Variants in SLC2A13 observed in about 807,000 individuals in gnomAD.
SLC2A13 encodes solute carrier family 2 member 13.
A neutral mutation model predicts 64.4 loss-of-function variants in SLC2A13; 32 were observed. The observed-to-expected ratio is 0.50, with a 90% CI of 0.37 to 0.67. The LOEUF (loss-of-function observed/expected upper bound fraction) is 0.67. SLC2A13 is among the 30% of genes least tolerant of loss of function. SLC2A13 has a pLI of 0.00. For missense variants in SLC2A13, 743 were observed against 829.2 expected, an observed-to-expected ratio of 0.90 and a Z score of 1.28; for synonymous variants, 338 against 327.1, an observed-to-expected ratio of 1.03 and a Z score of -0.36.
chr12:39,898,783 C>G (rs1004081916), intron 4 of SLC2A13, among the ~76,000 whole-genome samples: 3 of 152,124 alleles, frequency 2.0e-5, no homozygotes, highest in African/African-American at 7.2e-5. Context: ...CTCAATTATT[C>G]TCTCACAGCA....
intron 7 of SLC2A13, among the ~76,000 whole-genome samples, chr12:39,777,237 G>A (rs1375966380): frequency 1.3e-5 from 2 of 152,116 alleles, no homozygotes; most frequent in African/African-American, 4.8e-5. Flanking sequence ...AGAAGAGACC[G>A]GACTAAACTG....
At chr12:40,077,018 T>G (rs1470390178) in intron 1 of SLC2A13, among the ~76,000 whole-genome samples, 1 of 152,108 alleles carries the variant, frequency 6.6e-6, no homozygotes, top group Non-Finnish European at 1.5e-5. Flanking sequence ...GATTTTTGCT[T>G]GTTGATTTAA....
chr12:39,980,724 G>C (rs1946876830), intron 3 of SLC2A13, among the ~76,000 whole-genome samples: 1 of 151,952 alleles, frequency 6.6e-6, no homozygotes, highest in African/African-American at 2.4e-5. Context: ...CAATAATAAT[G>C]GGAGACTTTA....
At chr12:39,965,125 C>G (rs905439016) in intron 3 of SLC2A13, among the ~76,000 whole-genome samples, 1 of 152,182 alleles carries the variant, frequency 6.6e-6, no homozygotes, top group Non-Finnish European at 1.5e-5. Context: ...CTAACTAACA[C>G]AGTTCTATGT....
chr12:39,838,461 T>C (rs2135866781), intron 6 of SLC2A13, among the ~76,000 whole-genome samples: 1 of 146,128 alleles, frequency 6.8e-6, no homozygotes, highest in South Asian at 2.2e-4. Flanking sequence ...CTGCACAATG[T>C]GCACATGTAC....
At chr12:40,039,410 A>G (rs1948045674) in intron 2 of SLC2A13, among the ~76,000 whole-genome samples, 1 of 152,192 alleles carries the variant, frequency 6.6e-6, no homozygotes. Context: ...ATTACCATAA[A>G]TGGGTTTTAG....
At chr12:39,918,075 C>A (rs763816246) in intron 4 of SLC2A13, among the ~76,000 whole-genome samples, 2 of 152,046 alleles carry the variant, frequency 1.3e-5, no homozygotes, top group Non-Finnish European at 2.9e-5. Flanking sequence ...TGTGCAAAGT[C>A]ATTAGGATTA....
Position 39,757,436 on chromosome 12 carries a change from T to TA in SLC2A13, c.*2589dup, listed in dbSNP as rs1359597913. Reference sequence around the variant, plus strand: ...CTGGGAACTTAAAAGGTGCCTAATATAAAAAAACCTGCAAAATTTAAACAT... The same window carrying TA: ...CTGGGAACTTAAAAGGTGCCTAATATAAAAAAAACCTGCAAAATTTAAACAT... On this transcript the variant is annotated 3_prime_UTR_variant, in exon 10 of 10. Coordinates refer to ENST00000280871, the MANE Select transcript of SLC2A13 (RefSeq NM_052885.4). The TA allele has an allele frequency of 6.6e-6, 1 of 151,698 alleles. No homozygotes were observed. The highest frequency in any genetic ancestry group is 1.5e-5 in the Non-Finnish European group (1 of 67,678). The allele number at this position is 151,698 out of a possible 1,614,324, so 9.4% of individuals were successfully genotyped here.
intron 7 of SLC2A13, among the ~76,000 whole-genome samples, chr12:39,777,887 G>A (rs1350884470): frequency 6.6e-6 from 1 of 152,194 alleles, no homozygotes; most frequent in African/African-American, 2.4e-5. Context: ...GTACACAGAG[G>A]CAAGATCCCT....
At chr12:40,057,463 A>T (rs1041469470) in intron 1 of SLC2A13, among the ~76,000 whole-genome samples, 1 of 152,214 alleles carries the variant, frequency 6.6e-6, no homozygotes, top group Non-Finnish European at 1.5e-5. Flanking sequence ...ATATGAAATG[A>T]CATAGAGCAA....
intron 6 of SLC2A13, among the ~76,000 whole-genome samples, chr12:39,834,800 T>C (rs759038154): frequency 2.6e-5 from 4 of 152,126 alleles, no homozygotes; most frequent in Admixed American, 1.3e-4. Context: ...GACTATTTTA[T>C]GGCAAAATTC....
intron 7 of SLC2A13, among the ~76,000 whole-genome samples, chr12:39,793,392 C>T (rs1054305386): frequency 4.6e-5 from 7 of 152,024 alleles, no homozygotes; most frequent in African/African-American, 1.4e-4. Context: ...GACATCAATT[C>T]ATCCCAAATT....
chr12:40,024,524 C>T (rs566026179), intron 3 of SLC2A13, among the ~76,000 whole-genome samples: 1 of 152,324 alleles, frequency 6.6e-6, no homozygotes, highest in Admixed American at 6.5e-5. Context: ...GCTTTCCTAA[C>T]CATCCCATGT....
intron 6 of SLC2A13, among the ~76,000 whole-genome samples, chr12:39,847,960 C>T (rs914328723): frequency 6.6e-6 from 1 of 152,136 alleles, no homozygotes; most frequent in African/African-American, 2.4e-5. Flanking sequence ...GGCTATATCT[C>T]ATGCTTTGTT....
intron 2 of SLC2A13, among the ~76,000 whole-genome samples, chr12:40,043,033 A>C (rs61339615): frequency 0.023 from 3,455 of 152,024 alleles, 137 homozygotes; most frequent in African/African-American, 0.078. Flanking sequence ...TTTTATACAA[A>C]GTGGAGTCGG....
intron 3 of SLC2A13, among the ~76,000 whole-genome samples, chr12:39,995,670 T>G (rs1947215330): frequency 6.6e-6 from 1 of 152,196 alleles, no homozygotes; most frequent in African/African-American, 2.4e-5. Flanking sequence ...TCTGATATGG[T>G]TTGGCTGTGT....
chr12:39,899,939 G>GA (rs1945039595), intron 4 of SLC2A13, among the ~76,000 whole-genome samples: 2 of 151,908 alleles, frequency 1.3e-5, no homozygotes, highest in Non-Finnish European at 2.9e-5. Flanking sequence ...GGGTGGTGCT[G>GA]AAAAAAATAC....
intron 4 of SLC2A13, among the ~76,000 whole-genome samples, chr12:39,939,214 A>G (rs61237643): frequency 0.036 from 5,531 of 152,210 alleles, 347 homozygotes; most frequent in African/African-American, 0.13. Flanking sequence ...ATCGTCCCCA[A>G]AATATCATCT....
At chr12:39,952,554 T>G (rs1946249305) in intron 3 of SLC2A13, among the ~76,000 whole-genome samples, 1 of 152,170 alleles carries the variant, frequency 6.6e-6, no homozygotes, top group Non-Finnish European at 1.5e-5. Context: ...TGAAATATTA[T>G]AGGGGTGAGA....
Sources: gnomAD v4.1 joint callset for allele counts (sites outside exome capture counted in the v4.1 genomes callset) on GRCh38, gnomAD v4.1.1 for gene constraint, MANE v1.5 for transcripts, NCBI Gene and HGNC (gene_info 2026-07-23, HGNC 2026-07-21) for gene names.